ERN2: variants seen among roughly 807,000 people sequenced by gnomAD.
ERN2 encodes the protein endoplasmic reticulum to nucleus signaling 2.
In ERN2, 111 loss-of-function variants were observed where a neutral mutation model predicts 107.9. That is an observed-to-expected ratio of 1.03 (90% confidence interval 0.88 to 1.20). The LOEUF is 1.20. ERN2 is among the 50% of genes most tolerant of loss of function. The pLI is 0.00. For synonymous variants in ERN2, 524 were observed against 501.7 expected, an observed-to-expected ratio of 1.04 and a Z score of -0.59; for missense variants, 1,225 against 1,197.9, an observed-to-expected ratio of 1.02 and a Z score of -0.33.
At chr16:23,700,331 T>C (rs936389936) in intron 13 of ERN2, among the ~76,000 whole-genome samples, 1 of 152,122 alleles carries the variant, frequency 6.6e-6, no homozygotes, top group Non-Finnish European at 1.5e-5. Flanking sequence ...AGCAAGATCC[T>C]GTCTCCAAAA....
At position 23,710,507 on chromosome 16, in the gene ERN2, T is replaced by C. The variant is rs1442465539; in HGVS notation, c.233+9A>G. 5 of 1,614,092 alleles carry C rather than the reference T, an allele frequency of 3.1e-6. No homozygotes were observed. In the African/African-American group the frequency reaches 6.7e-5, roughly 22 times the overall value. On this transcript the variant is annotated intron_variant, in intron 3 of 21. Transcript: ENST00000256797. ...AGCCTCCTCCTTAAAAGGCCCCAGG[T>C]TCACTTACTCTGTGACGTACATTGG... is the stretch of plus-strand genomic sequence containing the variant.
intron 17 of ERN2, 87 bp downstream of exon 17, chr16:23,694,641 G>A: frequency 1.8e-6 from 2 of 1,113,900 alleles, no homozygotes; most frequent in Non-Finnish European, 2.5e-6. Context: ...GTGTCATGGA[G>A]TCTCCTCAGG....
In ERN2 at chr16:23,705,015, C is replaced by G; in HGVS notation, c.722G>C (p.Arg241Pro). 2.5e-6 allele frequency: 4 copies of G among 1,613,888 alleles called. No homozygotes were observed. Among genetic ancestry groups the G allele is most frequent in the Non-Finnish European group, 3.4e-6 (4 of 1,180,018 alleles). The change falls in exon 8 of 22, where the codon CGC becomes CCC. Residue 241 changes from arginine (R) to proline (P), a missense_variant. Arg to Pro is a moderately radical substitution (Grantham distance 103). Transcript: ENST00000256797. Reference protein sequence around the residue: ...GVYTWHQDGLRQLPHLTLARD... With the variant: ...GVYTWHQDGLPQLPHLTLARD... ...AGCCAGCGTGAGATGCGGCAGCTGG[C>G]GCAGGCCGTCCTGGTGCCAGGTGTA...
At chr16:23,694,631 G>T in intron 17 of ERN2, 97 bp downstream of exon 17, 1 of 998,828 alleles carries the variant, frequency 1.0e-6, no homozygotes, top group Non-Finnish European at 1.4e-6. Context: ...CACACAGCAA[G>T]TGTCATGGAG....
At position 23,691,116 on chromosome 16, in the gene ERN2, C is replaced by T. The variant is rs1959573988; in HGVS notation, c.2568+13G>A. 6.2e-7 allele frequency: 1 copy of T among 1,613,192 alleles called. No homozygotes were observed. Among genetic ancestry groups the T allele is most frequent in the Non-Finnish European group, 8.5e-7 (1 of 1,179,324 alleles). Reference sequence around the variant, plus strand: ...TTCCCAAGACCCAGGCCCACCCAGGCCCCAACACATACCTTGTTCCTCACA... The same window carrying T: ...TTCCCAAGACCCAGGCCCACCCAGGTCCCAACACATACCTTGTTCCTCACA... On this transcript the variant is annotated intron_variant, in intron 21 of 21. Coordinates refer to ENST00000256797, the MANE Select transcript of ERN2 (RefSeq NM_033266.4).
intron 7 of ERN2, chr16:23,706,099 A>C: frequency 2.2e-6 from 1 of 451,606 alleles, no homozygotes; most frequent in Non-Finnish European, 3.9e-6. Context: ...GGCCACTTGG[A>C]GTATAGAAGA....
chr16:23,710,355 A>G (rs1283115129), intron 3 of ERN2, 111 bp from the exon 4 acceptor site: 3 of 1,204,986 alleles, frequency 2.5e-6, no homozygotes, highest in South Asian at 2.5e-5. Flanking sequence ...CTTGTAGGAA[A>G]CATCATGGGG....
intron 2 of ERN2, 70 bp downstream of exon 2, chr16:23,710,843 T>C: frequency 1.8e-6 from 2 of 1,137,656 alleles, no homozygotes; most frequent in South Asian, 1.3e-5. Flanking sequence ...TCTTATTCTC[T>C]ATGCCACAGT....
chr16:23,703,338 C>A (rs1380235790), intron 8 of ERN2, among the ~76,000 whole-genome samples: 2 of 152,138 alleles, frequency 1.3e-5, no homozygotes, highest in East Asian at 1.9e-4. Flanking sequence ...ATGACAGTAC[C>A]CACGTGCTTC....
chr16:23,690,886 T>G lies in ERN2; in HGVS notation c.2726A>C (p.Tyr909Ser). 1 of 1,613,916 alleles carries G rather than the reference T, an allele frequency of 6.2e-7. No homozygotes were observed. The highest frequency in any genetic ancestry group is 8.5e-7 in the Non-Finnish European group (1 of 1,180,020). ...SCASESLFLP[Y>S]YPPDSEARRP... Reference sequence around the variant, plus strand: ...CCTGGCCTCTGAGTCTGGCGGGTAGTAGGGCAGGAAGAGGCTCTCAGAGGC... The same window carrying G: ...CCTGGCCTCTGAGTCTGGCGGGTAGGAGGGCAGGAAGAGGCTCTCAGAGGC... Residue 909 changes from tyrosine to serine, a missense_variant, in exon 22 of 22, where the codon TAC (tyrosine) becomes TCC (serine). Transcript: ENST00000256797.
chr16:23,707,897 A>C (rs1004775464), intron 4 of ERN2, among the ~76,000 whole-genome samples: 12 of 152,176 alleles, frequency 7.9e-5, no homozygotes, highest in Admixed American at 3.3e-4. Flanking sequence ...GCTGGCTAGG[A>C]GTGGAGCTCC....
intron 17 of ERN2, among the ~76,000 whole-genome samples, chr16:23,693,705 A>G (rs1485580999): frequency 3.9e-5 from 6 of 152,076 alleles, no homozygotes; most frequent in East Asian, 3.9e-4. Flanking sequence ...CTTTCTCTCA[A>G]CTTTAGGAGT....
rs1439650158 is a variant in ERN2, at chr16:23,691,356, A to G, written c.2446T>C (p.Cys816Arg). Reference sequence around the variant, plus strand: ...TGCCAGTTGTCCCGGACCACTGCGCAGCCTCCCGCCTCCAGTGCCCTCACC... The same window carrying G: ...TGCCAGTTGTCCCGGACCACTGCGCGGCCTCCCGCCTCCAGTGCCCTCACC... Reference protein sequence around the residue: ...PLVRALEAGGCAVVRDNWHEH... With the variant: ...PLVRALEAGGRAVVRDNWHEH... Residue 816 changes from cysteine to arginine, a missense_variant, in exon 20 of 22, where the codon TGC (cysteine) becomes CGC (arginine). Transcript: ENST00000256797. The G allele has an allele frequency of 1.2e-6, 2 of 1,604,572 alleles. No individual in the cohort carries two copies. The highest frequency in any genetic ancestry group is 2.2e-5 in the East Asian group (1 of 44,900).
At chr16:23,707,532 G>A (rs902233117) in intron 4 of ERN2, among the ~76,000 whole-genome samples, 5 of 151,838 alleles carry the variant, frequency 3.3e-5, no homozygotes, top group South Asian at 2.1e-4. Context: ...TGGGCAACAC[G>A]GTGAGACCTC....
intron 1 of ERN2, chr16:23,712,808 C>A (rs1960595877): frequency 2.5e-6 from 1 of 392,256 alleles, no homozygotes; most frequent in Non-Finnish European, 4.5e-6. Context: ...GCCCAGGTGC[C>A]CCCCTACCCC....
At chr16:23,696,022 T>A in intron 13 of ERN2, 44 bp from the exon 14 acceptor site, 2 of 1,481,536 alleles carry the variant, frequency 1.3e-6, no homozygotes, top group Non-Finnish European at 1.9e-6. Context: ...TCTGCCCACC[T>A]TTGCCGGCCA....
Position 23,694,928 on chromosome 16 carries a change from C to T in ERN2, c.1901-1G>A. 1.9e-6 allele frequency: 3 copies of T among 1,614,130 alleles called. No homozygotes were observed. Among genetic ancestry groups the T allele is most frequent in the Non-Finnish European group, 2.5e-6 (3 of 1,179,990 alleles). On this transcript the variant is annotated splice_acceptor_variant, in intron 16 of 21. Coordinates refer to ENST00000256797, the MANE Select transcript of ERN2 (RefSeq NM_033266.4). LOFTEE classifies it high-confidence loss of function. Reference sequence around the variant, plus strand: ...TTTCCTGGCTTCAGGTCCCGGTGCACTGTGGGAGAGGGGCAGAAAGAAAGC... The same window carrying T: ...TTTCCTGGCTTCAGGTCCCGGTGCATTGTGGGAGAGGGGCAGAAAGAAAGC...
At position 23,697,951 on chromosome 16, in the gene ERN2, A is replaced by C. The variant is rs535977384; in HGVS notation, c.1526-1973T>G. Among the ~76,000 whole-genome samples the C allele has an allele frequency of 2.0e-5, 3 of 151,968 alleles. No homozygotes were observed. The South Asian group carries it at 6.2e-4, about 32-fold the overall frequency. On this transcript the variant is annotated intron_variant, in intron 13 of 21. Transcript: ENST00000256797. ...TTTTGTATTTTTAATTTTTGTAGAGATGGGGCTTCACTATGTTGCCCAGGC... is the reference window on the plus strand; with the variant it reads ...TTTTGTATTTTTAATTTTTGTAGAGCTGGGGCTTCACTATGTTGCCCAGGC...
intron 13 of ERN2, among the ~76,000 whole-genome samples, chr16:23,700,007 A>G (rs539852836): frequency 1.3e-5 from 2 of 152,282 alleles, no homozygotes; most frequent in South Asian, 2.1e-4. Flanking sequence ...ACCCAGTTTT[A>G]TCTACACCCA....
Sources: gnomAD v4.1 joint callset for allele counts (sites outside exome capture counted in the v4.1 genomes callset) on GRCh38, gnomAD v4.1.1 for gene constraint, MANE v1.5 for transcripts, NCBI Gene and HGNC (gene_info 2026-07-23, HGNC 2026-07-21) for gene names.